NOC3L: variants seen among roughly 807,000 people sequenced by gnomAD.
NOC3L encodes nucleolar complex protein 3 homolog.
In NOC3L, 85 loss-of-function variants were observed where a neutral mutation model predicts 102.5. That is an observed-to-expected ratio of 0.83 (90% CI 0.70 to 0.99). The LOEUF (loss-of-function observed/expected upper bound fraction) is 0.99, where lower values mean the gene tolerates loss of function less well. Among genes scored for constraint, NOC3L ranks in the 50% least tolerant of loss-of-function variants. The pLI, the probability that NOC3L is intolerant of heterozygous loss-of-function variation, is 0.00. For synonymous variants in NOC3L, 303 were observed against 309.4 expected (o/e 0.98, Z 0.22); for missense variants, 878 against 914.9 (o/e 0.96, Z 0.52).
At chr10:94,341,365 T>C (rs1175667860) in intron 14 of NOC3L, among the ~76,000 whole-genome samples, 1 of 151,580 alleles carries the variant, frequency 6.6e-6, no homozygotes, top group South Asian at 2.1e-4. Flanking sequence ...TTACAAACTA[T>C]ATTATATGAA....
intron 14 of NOC3L, among the ~76,000 whole-genome samples, chr10:94,340,797 C>T (rs940757200): frequency 9.9e-5 from 15 of 151,694 alleles, no homozygotes; most frequent in South Asian, 2.1e-4. Context: ...CTGGCTAACA[C>T]GGTGAAACCC....
the NOC3L span, chr10:94,325,265 A>G: frequency 1.6e-6 from 1 of 618,342 alleles, no homozygotes; most frequent in African/African-American, 1.8e-5. Context: ...CTCTGAAGAT[A>G]TGTGTAACAT....
At chr10:94,335,949 T>C (rs984098010) in intron 19 of NOC3L, among the ~76,000 whole-genome samples, 2 of 152,168 alleles carry the variant, frequency 1.3e-5, no homozygotes, top group Admixed American at 1.3e-4. Context: ...AATGTGATGG[T>C]ATTAAGAGGC....
chr10:94,324,030 G>T, the NOC3L span, among the ~76,000 whole-genome samples: 1 of 152,136 alleles, frequency 6.6e-6, no homozygotes, highest in Non-Finnish European at 1.5e-5. Context: ...AGAAAATCTG[G>T]TTCAGACCTT....
chr10:94,318,374 C>G, the NOC3L span, among the ~76,000 whole-genome samples: 1 of 152,206 alleles, frequency 6.6e-6, no homozygotes, highest in South Asian at 2.1e-4. Flanking sequence ...TATGTATCCT[C>G]TAAGCGATGT....
At chr10:94,333,074 G>A (rs1363261144), downstream of NOC3L, among the ~76,000 whole-genome samples, 1 of 152,140 alleles carries the variant, frequency 6.6e-6, no homozygotes, top group Non-Finnish European at 1.5e-5. Context: ...CTGCTGGAAT[G>A]GTAAAGGAAT....
intron 2 of NOC3L, 25 bp downstream of exon 2, chr10:94,361,639 AG>A: frequency 6.3e-7 from 1 of 1,598,324 alleles, no homozygotes; most frequent in Non-Finnish European, 8.6e-7. Flanking sequence ...AATGGAAACC[AG>A]AGCACATGAT....
intron 8 of NOC3L, among the ~76,000 whole-genome samples, chr10:94,350,524 C>T (rs1248680433): frequency 6.6e-6 from 1 of 151,572 alleles, no homozygotes; most frequent in Non-Finnish European, 1.5e-5. Context: ...TCTTGACCAA[C>T]ATGGTGAAAC....
chr10:94,324,612 C>T, the NOC3L span: 1 of 1,420,704 alleles, frequency 7.0e-7, no homozygotes, highest in African/African-American at 1.4e-5. Context: ...TTATCTGATA[C>T]CCATAATTAC....
At chr10:94,322,024 C>T in the NOC3L span, 1 of 1,614,148 alleles carries the variant, frequency 6.2e-7, no homozygotes, top group Admixed American at 1.7e-5. Flanking sequence ...CATCAAAGCA[C>T]CCCGCGTCAG....
chr10:94,361,848 T>C lies in NOC3L; in HGVS notation c.34A>G (p.Ser12Gly). Residue 12 changes from serine (S) to glycine (G), a missense_variant, in exon 2 of 21, where the codon AGC becomes GGC. Ser to Gly is a moderately conservative substitution (Grantham distance 56). Transcript: ENST00000371361. ...KARRNKKQIP[S>G]FRKLIKTSKV... ...CTAGTTTTTATTAACTTGCGAAAGC[T>C]TGGGATCTGTTTTTTATTTCTTCTC... 2 of 1,611,810 alleles carry C rather than the reference T, an allele frequency of 1.2e-6. No homozygotes were observed. The highest frequency in any genetic ancestry group is 1.7e-6 in the Non-Finnish European group (2 of 1,178,998).
intron 10 of NOC3L, among the ~76,000 whole-genome samples, chr10:94,348,990 CA>C (rs2054381188): frequency 6.6e-6 from 1 of 151,960 alleles, no homozygotes; most frequent in Non-Finnish European, 1.5e-5. Flanking sequence ...TGTTCCAGAA[CA>C]GTTTTCAAAG....
chr10:94,339,839 T>C lies in NOC3L; in HGVS notation c.1862A>G (p.Gln621Arg). The change falls in exon 17 of 21, where the codon CAG becomes CGG. Residue 621 changes from glutamine to arginine, a missense_variant. Transcript: ENST00000371361. ...GCGTTTGATGAAGGCAAGAGCTCGC[T>C]GCTGAGAAACTTGCTTTCTGCGCTT... ...LTKRRKQVSQ[Q>R]RALAFIKRLC... is the part of the protein sequence containing the mutation. The C allele has an allele frequency of 6.2e-7, 1 of 1,614,200 alleles. No individual in the cohort carries two copies. Among genetic ancestry groups the C allele is most frequent in the Non-Finnish European group, 8.5e-7 (1 of 1,180,006 alleles).
At chr10:94,318,379 C>G in the NOC3L span, among the ~76,000 whole-genome samples, 1 of 152,132 alleles carries the variant, frequency 6.6e-6, no homozygotes, top group African/African-American at 2.4e-5. Flanking sequence ...ATCCTCTAAG[C>G]GATGTCAGAA....
the NOC3L span, among the ~76,000 whole-genome samples, chr10:94,320,527 T>G: frequency 2.6e-5 from 4 of 152,320 alleles, no homozygotes; most frequent in South Asian, 4.1e-4. Flanking sequence ...AGTTGGAACT[T>G]CCAAGATAGC....
the NOC3L span, among the ~76,000 whole-genome samples, chr10:94,323,879 G>A: frequency 6.6e-6 from 1 of 152,136 alleles, no homozygotes; most frequent in Non-Finnish European, 1.5e-5. Flanking sequence ...TAAATGAAAA[G>A]AGAGATCAGT....
At chr10:94,346,376 T>C (rs775515170) in intron 11 of NOC3L, 49 bp downstream of exon 11, 20 of 1,369,130 alleles carry the variant, frequency 1.5e-5, no homozygotes, top group Non-Finnish European at 1.8e-5. Flanking sequence ...TAATCTAAGA[T>C]CAAATAAACA....
chr10:94,357,177 G>C lies in NOC3L; in HGVS notation c.505C>G (p.Pro169Ala), dbSNP rs368982775. ...SGIIPQTREK[P>A]VTDSNKDEED... is the part of the protein sequence containing the mutation. ...ATTACCAGTTTATTAGACTCACCTG[G>C]CTTCTCCCTAGTCTGTGGGATTATA... The change falls in exon 4 of 21, where the codon CCA (proline) becomes GCA (alanine). Residue 169 changes from proline (P) to alanine (A), a missense_variant. Coordinates refer to ENST00000371361, the MANE Select transcript of NOC3L (RefSeq NM_022451.11). 1 of 1,552,664 alleles carries C rather than the reference G, an allele frequency of 6.4e-7. No homozygotes were observed. The highest frequency in any genetic ancestry group is 8.7e-7 in the Non-Finnish European group (1 of 1,150,162).
At position 94,339,743 on chromosome 10, in the gene NOC3L, A is replaced by T; in HGVS notation, c.1958T>A (p.Met653Lys). ...TTCATTTGTATCACTACTTACATGC[A>T]TTAATATTCTGGTAGTTGCTAAAAT... ...IGILATTRIL[M>K]HTFPKTDLLL... The change falls in exon 17 of 21, where the codon ATG (methionine) becomes AAG (lysine). Residue 653 changes from methionine to lysine, a missense_variant. By Grantham distance (95) the Met-to-Lys change is moderately conservative. Coordinates refer to ENST00000371361, the MANE Select transcript of NOC3L (RefSeq NM_022451.11). The T allele has an allele frequency of 6.2e-7, 1 of 1,613,122 alleles. No individual in the cohort carries two copies. Among genetic ancestry groups the T allele is most frequent in the Non-Finnish European group, 8.5e-7 (1 of 1,179,366 alleles).
Sources: gnomAD v4.1 joint callset for allele counts (sites outside exome capture counted in the v4.1 genomes callset) on GRCh38, gnomAD v4.1.1 for gene constraint, MANE v1.5 for transcripts, NCBI Gene and HGNC (gene_info 2026-07-23, HGNC 2026-07-21) for gene names.